Variants in SLC14A2 observed in about 807,000 individuals in gnomAD.
The protein encoded by SLC14A2 is urea transporter 2.
Under a neutral mutation model 104.6 loss-of-function variants are expected in SLC14A2, and 91 were observed. The ratio of observed to expected loss-of-function variants is 0.87; its 90% confidence interval spans 0.73 to 1.04. The LOEUF (loss-of-function observed/expected upper bound fraction) is 1.04, where lower values mean the gene tolerates loss of function less well. Ranked by LOEUF, SLC14A2 falls within the 50% of genes least tolerant of loss-of-function variation. The pLI, the probability that SLC14A2 is intolerant of heterozygous loss-of-function variation, is 0.00. For missense variants in SLC14A2, 1,189 were observed against 1,156.0 expected, an observed-to-expected ratio of 1.03 and a Z score of -0.41; for synonymous variants, 476 against 466.4, an observed-to-expected ratio of 1.02 and a Z score of -0.27.
In SLC14A2 at chr18:45,624,813, A is replaced by T. The variant is rs546034967; in HGVS notation, c.149A>T (p.Lys50Met). The T allele has an allele frequency of 4.3e-6, 7 of 1,610,386 alleles. No individual in the cohort carries two copies. In the South Asian group the frequency reaches 6.6e-5, roughly 15 times the overall value. Residue 50 changes from lysine (K) to methionine (M), a missense_variant and splice_region_variant, in exon 2 of 20, where the codon AAG becomes ATG. Physicochemically the swap from Lys to Met is moderately conservative, Grantham distance 95 (BLOSUM62 -1). Coordinates refer to ENST00000255226, the MANE Select transcript of SLC14A2 (RefSeq NM_007163.4). The part of the protein sequence containing the change: ...ALPLLEMPEE[K>M]DLRSSNEDSH... ...CCCCTCCTGGAAATGCCTGAAGAAA[A>T]GGTGAGAAGTGTCCCTCCTAGGATG...
Position 45,339,936 on chromosome 18 carries a change from A to G in SLC14A2, c.-125+126745A>G, listed in dbSNP as rs1013685222. Among the ~76,000 whole-genome samples, 10 of 152,360 alleles carry G rather than the reference A, an allele frequency of 6.6e-5. No homozygotes were observed. In the South Asian group the frequency reaches 1.0e-3, roughly 16 times the overall value. On this transcript the variant is annotated intron_variant, in intron 1 of 20. Transcript: ENST00000586448. Reference sequence around the variant, plus strand: ...GCATATGGTCAGCTTCGCTGTGGTCATGGGATTAAAGCATAAGGAAAACGT... The same window carrying G: ...GCATATGGTCAGCTTCGCTGTGGTCGTGGGATTAAAGCATAAGGAAAACGT...
At chr18:45,498,928 C>T (rs1271698932) in intron 2 of SLC14A2, among the ~76,000 whole-genome samples, 4 of 152,248 alleles carry the variant, frequency 2.6e-5, no homozygotes, top group African/African-American at 9.6e-5. Context: ...ACTTCTCTAA[C>T]TGCTGAATGT....
At chr18:45,528,685 C>G (rs1402526965) in intron 2 of SLC14A2, 1 of 151,928 alleles carries the variant, frequency 6.6e-6, no homozygotes, top group African/African-American at 2.4e-5. Flanking sequence ...ATGAACAAGC[C>G]CTGATCCTGG....
At chr18:45,261,981 C>A (rs979349464) in intron 1 of SLC14A2, among the ~76,000 whole-genome samples, 13 of 152,108 alleles carry the variant, frequency 8.5e-5, no homozygotes, top group African/African-American at 2.7e-4. Context: ...AGGAATCGCC[C>A]CACTGACTTC....
chr18:45,194,643 A>ATTTTTTTTT, the SLC14A2 span, among the ~76,000 whole-genome samples: 1 of 108,848 alleles, frequency 9.2e-6, no homozygotes, highest in African/African-American at 3.6e-5. Context: ...TTGGTCTGTA[A>ATTTTTTTTT]TTTTTTTTTT....
chr18:45,658,530 G>A (rs750097698), intron 10 of SLC14A2, among the ~76,000 whole-genome samples: 7 of 151,726 alleles, frequency 4.6e-5, no homozygotes, highest in Admixed American at 2.6e-4. Context: ...GCAGTGAGCC[G>A]AGATCATGCC....
At chr18:45,244,169 A>G (rs2084346201) in intron 1 of SLC14A2, among the ~76,000 whole-genome samples, 2 of 152,324 alleles carry the variant, frequency 1.3e-5, no homozygotes, top group Middle Eastern at 6.8e-3. Context: ...CCCTTCCTCA[A>G]TATATAACTT....
chr18:45,177,162 C>G, the SLC14A2 span, among the ~76,000 whole-genome samples: 1 of 152,150 alleles, frequency 6.6e-6, no homozygotes, highest in Non-Finnish European at 1.5e-5. Flanking sequence ...TTCATAAAAT[C>G]TCTCCATTCT....
chr18:45,480,271 T>C (rs2144694948), intron 1 of SLC14A2, among the ~76,000 whole-genome samples: 1 of 152,350 alleles, frequency 6.6e-6, no homozygotes, highest in Non-Finnish European at 1.5e-5. Flanking sequence ...GACAAGATTC[T>C]TCAATTTCTT....
intron 1 of SLC14A2, among the ~76,000 whole-genome samples, chr18:45,480,147 A>T (rs752816379): frequency 1.3e-5 from 2 of 152,186 alleles, no homozygotes; most frequent in African/African-American, 4.8e-5. Context: ...TGCCTTCCAC[A>T]TGAAGATATA....
At chr18:45,171,286 C>G in the SLC14A2 span, among the ~76,000 whole-genome samples, 53 of 151,778 alleles carry the variant, frequency 3.5e-4, no homozygotes, top group African/African-American at 1.2e-3. Context: ...TTAGAGAAAA[C>G]GTCTAGTTTA....
Position 45,297,117 on chromosome 18 carries a change from G to T in SLC14A2, c.-125+83926G>T, listed in dbSNP as rs575355246. Among the ~76,000 whole-genome samples, 6 of 152,310 alleles carry T rather than the reference G, an allele frequency of 3.9e-5. No homozygotes were observed. In the South Asian group the frequency reaches 8.3e-4, roughly 21 times the overall value. The stretch of plus-strand genomic sequence containing the variant: ...ATAAGAAGCTGTATCATTGGCAAAT[G>T]AAAGAAGAAAGATATTGGACATTAA... On this transcript the variant is annotated intron_variant, in intron 1 of 20. Transcript: ENST00000586448.
intron 1 of SLC14A2, among the ~76,000 whole-genome samples, chr18:45,224,165 G>A (rs547830965): frequency 6.6e-6 from 1 of 152,200 alleles, no homozygotes; most frequent in Non-Finnish European, 1.5e-5. Flanking sequence ...AGACCAAGAG[G>A]CTGCTGTGCA....
chr18:45,484,244 C>T (rs1208192990), intron 2 of SLC14A2, among the ~76,000 whole-genome samples: 1 of 152,094 alleles, frequency 6.6e-6, no homozygotes, highest in Non-Finnish European at 1.5e-5. Context: ...CCACTTCCTA[C>T]CCAACTTGGC....
At chr18:45,414,707 C>T (rs2086250245) in intron 1 of SLC14A2, among the ~76,000 whole-genome samples, 1 of 138,078 alleles carries the variant, frequency 7.2e-6, no homozygotes, top group Non-Finnish European at 1.5e-5. Context: ...TACAGTGGGC[C>T]TTTTCACATG....
intron 1 of SLC14A2, among the ~76,000 whole-genome samples, chr18:45,321,721 CA>C (rs796945690): frequency 4.6e-5 from 7 of 152,300 alleles, no homozygotes; most frequent in African/African-American, 1.4e-4. Flanking sequence ...CGGAGGCAGG[CA>C]GGCTAAATGC....
the SLC14A2 span, among the ~76,000 whole-genome samples, chr18:45,203,604 G>C: frequency 6.6e-6 from 1 of 152,124 alleles, no homozygotes; most frequent in Admixed American, 6.6e-5. Flanking sequence ...CAATAGTATA[G>C]ATAATTTGCA....
chr18:45,297,443 A>T (rs2084927639), intron 1 of SLC14A2, among the ~76,000 whole-genome samples: 1 of 152,244 alleles, frequency 6.6e-6, no homozygotes. Context: ...CTAAGAACTA[A>T]TGCAGATGAG....
intron 2 of SLC14A2, among the ~76,000 whole-genome samples, chr18:45,610,092 C>T (rs1251218567): frequency 1.3e-5 from 2 of 152,126 alleles, no homozygotes; most frequent in African/African-American, 4.8e-5. Flanking sequence ...TCCCACCATC[C>T]CCTCTCCCTT....
Sources: allele counts gnomAD v4.1 joint callset (sites outside exome capture counted in the v4.1 genomes callset), GRCh38; gene constraint gnomAD v4.1.1; transcripts MANE v1.5; gene names NCBI Gene and HGNC (gene_info 2026-07-23, HGNC 2026-07-21).